The following UTRN variants were observed in gnomAD, a reference collection of about 807,000 sequenced individuals.
UTRN encodes the protein utrophin.
Under a neutral mutation model 463.9 loss-of-function variants are expected in UTRN, and 283 were observed. The observed-to-expected ratio is 0.61, with a 90% CI of 0.55 to 0.67. The LOEUF is 0.67. Ranked by LOEUF, UTRN falls within the 30% of genes least tolerant of loss-of-function variation. The pLI is 0.00. For synonymous variants in UTRN, 1,442 were observed against 1,431.5 expected (o/e 1.01, Z -0.17); for missense variants, 3,922 against 4,084.3 (o/e 0.96, Z 1.08).
intron 52 of UTRN, among the ~76,000 whole-genome samples, chr6:144,694,678 A>C (rs1160874036): frequency 6.6e-6 from 1 of 152,160 alleles, no homozygotes; most frequent in Non-Finnish European, 1.5e-5. Flanking sequence ...TTATGTGCAT[A>C]GAGGTGTTCA....
At chr6:144,835,674 C>T in intron 69 of UTRN, 106 bp from the exon 70 acceptor site, 1 of 1,484,388 alleles carries the variant, frequency 6.7e-7, no homozygotes, top group Non-Finnish European at 9.1e-7. Flanking sequence ...CTAAGACAAA[C>T]TTGGCCCAGC....
intron 51 of UTRN, among the ~76,000 whole-genome samples, chr6:144,603,469 C>G (rs955394082): frequency 6.6e-6 from 1 of 152,110 alleles, no homozygotes; most frequent in Non-Finnish European, 1.5e-5. Context: ...TTTTATGCAT[C>G]AGTGATTACT....
chr6:144,779,680 TA>T (rs1424853898), intron 60 of UTRN, among the ~76,000 whole-genome samples: 1 of 152,096 alleles, frequency 6.6e-6, no homozygotes, highest in Non-Finnish European at 1.5e-5. Flanking sequence ...TGCTTAACTT[TA>T]ATTGAAAAAA....
At chr6:144,625,685 C>G (rs1237850157) in intron 51 of UTRN, among the ~76,000 whole-genome samples, 4 of 152,178 alleles carry the variant, frequency 2.6e-5, no homozygotes, top group African/African-American at 4.8e-5. Context: ...TTGATTTGCT[C>G]TACATATTTT....
chr6:144,576,312 TTTC>T (rs1251455929), intron 50 of UTRN, among the ~76,000 whole-genome samples: 1 of 152,166 alleles, frequency 6.6e-6, no homozygotes, highest in Non-Finnish European at 1.5e-5. Context: ...ATTGAGTTGT[TTTC>T]TTATTATAGA....
At chr6:144,472,103 G>A (rs1008674749) in intron 23 of UTRN, among the ~76,000 whole-genome samples, 5 of 152,182 alleles carry the variant, frequency 3.3e-5, no homozygotes, top group African/African-American at 7.2e-5. Flanking sequence ...GGAGATGGAG[G>A]AATGTCCTAA....
At chr6:144,534,009 C>A (rs1422418803) in intron 43 of UTRN, among the ~76,000 whole-genome samples, 3 of 150,746 alleles carry the variant, frequency 2.0e-5, no homozygotes, top group Non-Finnish European at 4.4e-5. Flanking sequence ...ATTTTTTTTT[C>A]TGTTAATTTT....
chr6:144,510,858 C>T (rs1795106579), intron 34 of UTRN, 86 bp from the exon 35 acceptor site: 1 of 1,220,396 alleles, frequency 8.2e-7, no homozygotes, highest in Non-Finnish European at 1.1e-6. Flanking sequence ...GTATATGTGG[C>T]AGAAAAGTTT....
intron 60 of UTRN, among the ~76,000 whole-genome samples, chr6:144,778,204 G>A (rs575114223): frequency 6.6e-6 from 1 of 152,286 alleles, no homozygotes; most frequent in Admixed American, 6.5e-5. Context: ...GGAGTTGTAG[G>A]AGGGGAGATC....
intron 65 of UTRN, among the ~76,000 whole-genome samples, chr6:144,814,779 A>G (rs1778932858): frequency 6.6e-6 from 1 of 152,230 alleles, no homozygotes; most frequent in Non-Finnish European, 1.5e-5. Flanking sequence ...GTAATATGAT[A>G]AAAAGCAAAT....
intron 2 of UTRN, among the ~76,000 whole-genome samples, chr6:144,353,952 G>A (rs147387465): frequency 1.3e-5 from 2 of 152,144 alleles, no homozygotes; most frequent in African/African-American, 2.4e-5. Context: ...TGGGTGCTGC[G>A]GTCGTTGTTG....
chr6:144,522,366 A>T (rs1294391573), intron 40 of UTRN, among the ~76,000 whole-genome samples, 195 bp downstream of exon 40: 1 of 152,206 alleles, frequency 6.6e-6, no homozygotes, highest in East Asian at 1.9e-4. Context: ...AAAAGTGGGT[A>T]TGGATTGTTA....
intron 17 of UTRN, among the ~76,000 whole-genome samples, chr6:144,451,159 T>C (rs941391783): frequency 6.6e-5 from 10 of 152,216 alleles, no homozygotes; most frequent in African/African-American, 2.2e-4. Flanking sequence ...TCTTCAATTG[T>C]TTATTAACCC....
intron 50 of UTRN, among the ~76,000 whole-genome samples, chr6:144,569,849 G>A (rs1041592409): frequency 2.0e-5 from 3 of 152,092 alleles, no homozygotes; most frequent in Non-Finnish European, 4.4e-5. Context: ...GTGATTTGAC[G>A]ACTTTACCTG....
rs760979037 is a variant in UTRN at position 144,458,854 on chromosome 6, TAGAAAG to T, written c.2371_2376del (p.Glu791_Arg792del). 6.2e-7 allele frequency: 1 copy of T among 1,613,614 alleles called. No individual in the cohort carries two copies. The stretch of plus-strand genomic sequence containing the variant: ...AATGTATCTCAACATTTGGAAGATC[TAGAAAG>T]AAAGATTCAGCTACAGGAAGATATA... On this transcript the variant is annotated inframe_deletion, in exon 20 of 75. Coordinates refer to ENST00000367545, the MANE Select transcript of UTRN (RefSeq NM_007124.3).
At chr6:144,303,306 C>T (rs1012930596) in intron 2 of UTRN, among the ~76,000 whole-genome samples, 1 of 152,150 alleles carries the variant, frequency 6.6e-6, no homozygotes, top group African/African-American at 2.4e-5. Context: ...ATGTTTAAAG[C>T]CTCTAGGTAA....
chr6:144,562,385 T>A (rs1242213819), intron 50 of UTRN, among the ~76,000 whole-genome samples: 1 of 152,026 alleles, frequency 6.6e-6, no homozygotes, highest in Non-Finnish European at 1.5e-5. Context: ...GGCCCCAGTG[T>A]GTTGTTCCCC....
intron 2 of UTRN, among the ~76,000 whole-genome samples, chr6:144,355,113 A>G (rs952324152): frequency 2.0e-5 from 3 of 152,194 alleles, no homozygotes; most frequent in Non-Finnish European, 4.4e-5. Flanking sequence ...TGAATGAGAT[A>G]TAATTCCTGT....
chr6:144,491,565 T>A (rs1188517385), intron 32 of UTRN, among the ~76,000 whole-genome samples: 2 of 152,180 alleles, frequency 1.3e-5, no homozygotes, highest in Admixed American at 6.5e-5. Flanking sequence ...AAGGCCTTAT[T>A]ACTTTTTTAG....
Sources: gnomAD v4.1 joint callset for allele counts (sites outside exome capture counted in the v4.1 genomes callset) on GRCh38, gnomAD v4.1.1 for gene constraint, MANE v1.5 for transcripts, NCBI Gene and HGNC (gene_info 2026-07-23, HGNC 2026-07-21) for gene names.